Variants in LRP1B observed in about 807,000 individuals in gnomAD.
LRP1B encodes low-density lipoprotein receptor-related protein 1B.
Under a neutral mutation model 556.6 loss-of-function variants are expected in LRP1B, and 217 were observed. That is an observed-to-expected ratio of 0.39 (90% CI 0.35 to 0.44). The LOEUF is 0.44. Ranked by LOEUF, LRP1B falls within the 20% of genes least tolerant of loss-of-function variation. The probability of loss-of-function intolerance (pLI) is 1.00; values close to 1 mark genes in which losing one functional copy is unlikely to be tolerated. For missense variants in LRP1B, 5,053 were observed against 5,620.8 expected (o/e 0.90, Z 3.23); for synonymous variants, 2,047 against 1,865.8 (o/e 1.10, Z -2.50).
rs544218402 is a variant in LRP1B, at chr2:141,375,842, T to C, written c.343+104554A>G. On this transcript the variant is annotated intron_variant, in intron 3 of 90. Coordinates refer to ENST00000389484, the MANE Select transcript of LRP1B (RefSeq NM_018557.3). The stretch of plus-strand genomic sequence containing the variant: ...GGGGCAGTGAGTACTGCCCTAGATA[T>C]GTGTAAGAGAGCATGGTTTCCCTGT... Among the ~76,000 whole-genome samples, 292 of 152,196 alleles carry C rather than the reference T, an allele frequency of 1.9e-3. 1 individual carries two copies. Among genetic ancestry groups the C allele is most frequent in the Non-Finnish European group, 3.3e-3 (222 of 68,004 alleles).
chr2:140,483,240 T>C (rs1257565553), intron 59 of LRP1B, among the ~76,000 whole-genome samples: 3 of 152,132 alleles, frequency 2.0e-5, no homozygotes, highest in East Asian at 1.9e-4. Flanking sequence ...TTTTATAACA[T>C]CTATAATAAT....
chr2:141,003,304 T>C (rs1478077556), intron 15 of LRP1B, among the ~76,000 whole-genome samples: 6 of 152,030 alleles, frequency 3.9e-5, no homozygotes, highest in Non-Finnish European at 8.8e-5. Context: ...ATGACAGAAT[T>C]TGGGGTCTAA....
At chr2:140,705,542 A>C (rs1392052336) in intron 37 of LRP1B, among the ~76,000 whole-genome samples, 1,024 of 92,050 alleles carry the variant, frequency 0.011, 9 homozygotes, top group African/African-American at 0.031. Flanking sequence ...AAAAAAAAAA[A>C]AAAAAAAAAA....
chr2:141,775,045 G>A (rs1695018590), intron 2 of LRP1B, among the ~76,000 whole-genome samples: 1 of 152,204 alleles, frequency 6.6e-6, no homozygotes, highest in Admixed American at 6.5e-5. Flanking sequence ...TATGACACCT[G>A]AATGACAGTC....
At chr2:140,995,998 C>T (rs988073169) in intron 15 of LRP1B, among the ~76,000 whole-genome samples, 14 of 151,884 alleles carry the variant, frequency 9.2e-5, no homozygotes, top group African/African-American at 3.4e-4. Context: ...GGAGAACCAA[C>T]GTAAACATGA....
At chr2:141,293,572 TATC>T (rs1686060364) in intron 3 of LRP1B, among the ~76,000 whole-genome samples, 2 of 152,088 alleles carry the variant, frequency 1.3e-5, no homozygotes, top group African/African-American at 4.8e-5. Flanking sequence ...ATTGAAAAAG[TATC>T]ATGGCAACCA....
At chr2:141,558,807 G>A (rs1053374087) in intron 2 of LRP1B, among the ~76,000 whole-genome samples, 12 of 151,644 alleles carry the variant, frequency 7.9e-5, no homozygotes, top group Non-Finnish European at 1.6e-4. Context: ...CATCTTCAGC[G>A]TAAGATCACA....
intron 1 of LRP1B, among the ~76,000 whole-genome samples, chr2:141,967,930 A>G (rs1278286961): frequency 1.3e-5 from 2 of 151,868 alleles, no homozygotes; most frequent in African/African-American, 2.4e-5. Context: ...ATCATAGTAT[A>G]TGTTTTTGCC....
chr2:140,509,894 T>A (rs1199658234), intron 52 of LRP1B, 34 bp downstream of exon 52: 1 of 1,591,690 alleles, frequency 6.3e-7, no homozygotes, highest in South Asian at 1.1e-5. Flanking sequence ...TGCAACAGTT[T>A]TCTTTGACAT....
intron 38 of LRP1B, 55 bp downstream of exon 38, chr2:140,702,372 T>C (rs928655971): frequency 6.2e-7 from 1 of 1,607,530 alleles, no homozygotes; most frequent in Non-Finnish European, 8.5e-7. Context: ...TAAAAGTAGG[T>C]AAATTAAAGT....
chr2:141,773,307 G>T (rs1187041890), intron 2 of LRP1B, among the ~76,000 whole-genome samples: 1 of 152,112 alleles, frequency 6.6e-6, no homozygotes, highest in African/African-American at 2.4e-5. Flanking sequence ...ACTTGTTAAT[G>T]AAATTTAAAA....
intron 2 of LRP1B, among the ~76,000 whole-genome samples, chr2:141,802,478 C>T (rs1696039076): frequency 6.6e-6 from 1 of 151,920 alleles, no homozygotes; most frequent in Non-Finnish European, 1.5e-5. Flanking sequence ...ACAAACAAAA[C>T]CCAAAGTCAG....
chr2:141,474,000 A>ATTCCTTCATTCC (rs1682589418), intron 3 of LRP1B, among the ~76,000 whole-genome samples: 1 of 130,516 alleles, frequency 7.7e-6, no homozygotes, highest in Non-Finnish European at 1.6e-5. Flanking sequence ...GCTTTACTAA[A>ATTCCTTCATTCC]TTCCTTCCTT....
chr2:141,597,640 C>T (rs1373005765), intron 2 of LRP1B, among the ~76,000 whole-genome samples: 1 of 152,086 alleles, frequency 6.6e-6, no homozygotes, highest in Non-Finnish European at 1.5e-5. Flanking sequence ...ATTTTAAAAT[C>T]TCAAATACAG....
At chr2:141,607,381 T>A (rs1034271997) in intron 2 of LRP1B, among the ~76,000 whole-genome samples, 2 of 152,182 alleles carry the variant, frequency 1.3e-5, no homozygotes, top group African/African-American at 4.8e-5. Flanking sequence ...GACACATCCT[T>A]AAGCTTTCAG....
chr2:141,055,031 G>T, intron 10 of LRP1B, 85 bp downstream of exon 10: 1 of 1,467,538 alleles, frequency 6.8e-7, no homozygotes, highest in South Asian at 1.3e-5. Flanking sequence ...CTCATGTTAT[G>T]ACTGATGTTG....
chr2:140,885,635 G>A (rs1322815103), intron 24 of LRP1B, among the ~76,000 whole-genome samples: 1 of 151,998 alleles, frequency 6.6e-6, no homozygotes, highest in Non-Finnish European at 1.5e-5. Context: ...ATAGGTGTGA[G>A]CCACCACACC....
intron 3 of LRP1B, among the ~76,000 whole-genome samples, chr2:141,291,367 T>C (rs1031454797): frequency 6.6e-6 from 1 of 152,208 alleles, no homozygotes; most frequent in African/African-American, 2.4e-5. Flanking sequence ...AACTTTTTTA[T>C]ATATGTAATT....
At chr2:140,992,544 G>C (rs775640201) in intron 16 of LRP1B, 1 of 152,012 alleles carries the variant, frequency 6.6e-6, no homozygotes, top group Non-Finnish European at 1.5e-5. Flanking sequence ...CCACAAATAG[G>C]CTGGCCCAAA....
Sources: gnomAD v4.1 joint callset for allele counts (sites outside exome capture counted in the v4.1 genomes callset) on GRCh38, gnomAD v4.1.1 for gene constraint, MANE v1.5 for transcripts, NCBI Gene and HGNC (gene_info 2026-07-23, HGNC 2026-07-21) for gene names.